Variants in USP36 observed in about 807,000 individuals in gnomAD.
USP36 encodes ubiquitin specific peptidase 36, also known as ubiquitin carboxyl-terminal hydrolase 36.
In USP36, 59 loss-of-function variants were observed where a neutral mutation model predicts 111.5. The observed-to-expected ratio is 0.53, with a 90% confidence interval of 0.43 to 0.66. USP36 has a LOEUF of 0.66. USP36 is among the 30% of genes least tolerant of loss of function. The pLI, the probability that USP36 is intolerant of heterozygous loss-of-function variation, is 0.00. For missense variants in USP36, 1,488 were observed against 1,468.0 expected (o/e 1.01, Z -0.22); for synonymous variants, 628 against 581.0 (o/e 1.08, Z -1.16).
At chr17:78,811,494 G>A in intron 13 of USP36, among the ~76,000 whole-genome samples, 1 of 152,116 alleles carries the variant, frequency 6.6e-6, no homozygotes, top group East Asian at 1.9e-4. Context: ...AAAGAACAAA[G>A]ACACTCTCTT....
At chr17:78,800,969 A>ATT (rs746497209) in intron 17 of USP36, among the ~76,000 whole-genome samples, 560 of 97,166 alleles carry the variant, frequency 5.8e-3, no homozygotes, top group Middle Eastern at 7.6e-3. Context: ...TTAGGGCAGT[A>ATT]TTTTTTTTTT....
intron 13 of USP36, among the ~76,000 whole-genome samples, chr17:78,810,971 G>A (rs544959290): frequency 2.5e-4 from 38 of 151,832 alleles, no homozygotes; most frequent in African/African-American, 8.9e-4. Context: ...AAAATTAGCC[G>A]GGAGTGCTGG....
Position 78,812,993 on chromosome 17 carries a change from C to A in USP36, c.1274G>T (p.Gly425Val). The change falls in exon 13 of 21, where the codon GGC becomes GTC. Residue 425 changes from glycine to valine, a missense_variant. This residue lies in a region of USP36 where 1,073 missense variants were observed against 994.1 expected (regional missense o/e 1.08). Transcript: ENST00000449938. ...GAGGCCCTCGGGACTTTTCTTAGAG[C>A]CTGGAATTCTGTCAAAGGAAGAAAA... ...AYVLFYLRIPGSKKSPEGLIS... is the reference protein window; with the variant it reads ...AYVLFYLRIPVSKKSPEGLIS... The A allele has an allele frequency of 6.2e-7, 1 of 1,613,896 alleles. No individual in the cohort carries two copies. The highest frequency in any genetic ancestry group is 8.5e-7 in the Non-Finnish European group (1 of 1,179,942).
At chr17:78,836,446 C>T in intron 2 of USP36, 74 bp from the exon 3 acceptor site, 1 of 1,542,690 alleles carries the variant, frequency 6.5e-7, no homozygotes, top group South Asian at 1.3e-5. Context: ...AAGATCTCCT[C>T]TTTGGTCATT....
chr17:78,802,602 A>G, intron 16 of USP36, 67 bp from the exon 17 acceptor site: 1 of 1,450,414 alleles, frequency 6.9e-7, no homozygotes. Context: ...GCGCACAGAC[A>G]CCCGCCTGCA....
chr17:78,812,652 G>A lies in USP36; in HGVS notation c.1407+208C>T, dbSNP rs112045226. On this transcript the variant is annotated intron_variant, in intron 13 of 20. Coordinates refer to ENST00000449938, the MANE Select transcript of USP36 (RefSeq NM_001385174.1). ...TTGCAGTGAGCCGAGATTGGAGATC[G>A]CACCACTGCACCCCAGCCTGGATGA... Among the ~76,000 whole-genome samples the A allele has an allele frequency of 4.8e-3, 664 of 138,476 alleles. 1 individual carries two copies. The highest frequency in any genetic ancestry group is 0.017 in the African/African-American group (639 of 36,600). The allele number at this position is 138,476 out of a possible 152,430, so 90.8% of individuals were successfully genotyped here.
chr17:78,790,948 T>C (rs2093578290), downstream of USP36, among the ~76,000 whole-genome samples: 1 of 152,076 alleles, frequency 6.6e-6, no homozygotes, highest in Admixed American at 6.6e-5. Context: ...CCCTCCTAAA[T>C]GAAGCAGTAA....
intron 4 of USP36, among the ~76,000 whole-genome samples, chr17:78,832,136 T>C (rs1197712370): frequency 1.3e-5 from 2 of 151,322 alleles, no homozygotes; most frequent in African/African-American, 4.8e-5. Flanking sequence ...ATAGAGAGAT[T>C]TGGGAAACAA....
chr17:78,795,325 T>C (rs962472273), downstream of USP36, among the ~76,000 whole-genome samples: 4 of 152,174 alleles, frequency 2.6e-5, no homozygotes, highest in African/African-American at 9.7e-5. The surrounding 1 kb of genome is among the most constrained non-coding windows in gnomAD (Gnocchi z 4.5). Flanking sequence ...CTGTGTTTGG[T>C]GGATACCGTG....
In USP36 at chr17:78,806,253, G is replaced by C. The variant is rs776914038; in HGVS notation, c.2119C>G (p.Leu707Val). The C allele has an allele frequency of 5.6e-6, 9 of 1,613,874 alleles. No individual in the cohort carries two copies. The highest frequency in any genetic ancestry group is 1.1e-5 in the South Asian group (1 of 91,054). ...STLWRATGND[L>V]RPPPPSPSSD... ...GATGGTGAGGGGGGAGGTGGACGGA[G>C]GTCATTGCCGGTCGCCCTCCACAGG... The change falls in exon 15 of 21, where the codon CTC (leucine) becomes GTC (valine). Residue 707 changes from leucine (L) to valine (V), a missense_variant. Leu to Val is a conservative substitution (Grantham distance 32, BLOSUM62 1). Transcript: ENST00000449938.
In USP36 at chr17:78,798,582, C is replaced by A. The variant is rs765308413; in HGVS notation, c.3241-31G>T. The A allele has an allele frequency of 5.2e-5, 83 of 1,608,894 alleles. No homozygotes were observed. Among genetic ancestry groups the A allele is most frequent in the Admixed American group, 6.7e-5 (4 of 59,816 alleles). ...CCAAGAATCACAGGCATCACAGTTC[C>A]CAAAAACGGCTCTTTCCTGGCCCAC... On this transcript the variant is annotated intron_variant, in intron 19 of 20. Transcript: ENST00000449938. This position sits in a 1 kb window ranked among gnomAD's most constrained non-coding sequence, Gnocchi z 5.1.
intron 6 of USP36, chr17:78,823,095 G>C (rs1001130339): frequency 1.8e-5 from 7 of 398,668 alleles, no homozygotes; most frequent in African/African-American, 1.4e-4. Flanking sequence ...CTCTCATCTG[G>C]CCTGTGTGAC....
chr17:78,821,837 C>T, intron 7 of USP36, 100 bp downstream of exon 7: 3 of 1,384,970 alleles, frequency 2.2e-6, no homozygotes, highest in East Asian at 2.3e-5. Context: ...CAGGTCTGCA[C>T]AGCGAAGAAA....
At chr17:78,820,109 A>G in intron 8 of USP36, 97 bp from the exon 9 acceptor site, 1 of 1,293,470 alleles carries the variant, frequency 7.7e-7, no homozygotes, top group South Asian at 1.3e-5. Flanking sequence ...CTGAGGCAGC[A>G]AATCACAGAA....
downstream of USP36, among the ~76,000 whole-genome samples, chr17:78,791,360 C>T (rs60045444): frequency 5.5e-3 from 831 of 152,042 alleles, 33 homozygotes; most frequent in East Asian, 0.1. Context: ...TCAGGTGATC[C>T]GCCCCGCCTA....
downstream of USP36, among the ~76,000 whole-genome samples, chr17:78,793,085 C>T (rs566457304): frequency 1.2e-4 from 18 of 151,922 alleles, no homozygotes; most frequent in African/African-American, 3.4e-4. Context: ...ATTCTACTTC[C>T]GTCAGTATCG....
chr17:78,821,393 T>TATATATATATATATATATAC, intron 7 of USP36: 1 of 34,348 alleles, frequency 2.9e-5, no homozygotes, highest in African/African-American at 1.2e-4. Context: ...TGAGAATATA[T>TATATATATATATATATATAC]ATATATATAT....
intron 3 of USP36, among the ~76,000 whole-genome samples, chr17:78,790,372 C>A (rs2093573319): frequency 6.6e-6 from 1 of 152,192 alleles, no homozygotes; most frequent in Non-Finnish European, 1.5e-5. Flanking sequence ...CTCACTGCAA[C>A]CTCCACCTCC....
chr17:78,819,531 T>C (rs1367432254), intron 9 of USP36, among the ~76,000 whole-genome samples: 1 of 152,264 alleles, frequency 6.6e-6, no homozygotes, highest in African/African-American at 2.4e-5. Context: ...GAGCAGCTGG[T>C]TGGGCACAGT....
Sources: allele counts gnomAD v4.1 joint callset (sites outside exome capture counted in the v4.1 genomes callset), GRCh38; gene constraint gnomAD v4.1.1; regional missense constraint gnomAD v4.1.1; non-coding constraint Gnocchi (gnomAD v3.1); transcripts MANE v1.5; gene names NCBI Gene and HGNC (gene_info 2026-07-23, HGNC 2026-07-21).